The following SLC6A17 variants were observed in gnomAD, a reference collection of about 807,000 sequenced individuals.
SLC6A17 encodes sodium-dependent neutral amino acid transporter SLC6A17.
Under a neutral mutation model 64.5 loss-of-function variants are expected in SLC6A17, and 21 were observed. The ratio of observed to expected loss-of-function variants is 0.33; its 90% CI spans 0.23 to 0.47. SLC6A17 has a LOEUF of 0.47. Ranked by LOEUF, SLC6A17 falls within the 20% of genes least tolerant of loss-of-function variation. The pLI is 1.00. For missense variants in SLC6A17, 682 were observed against 963.2 expected, an observed-to-expected ratio of 0.71 and a Z score of 3.86; for synonymous variants, 372 against 399.5, an observed-to-expected ratio of 0.93 and a Z score of 0.82.
intron 1 of SLC6A17, among the ~76,000 whole-genome samples, chr1:110,155,094 C>T (rs564951687): frequency 4.6e-5 from 7 of 152,276 alleles, no homozygotes; most frequent in Admixed American, 4.6e-4. Context: ...CCTAGCCTGC[C>T]CATCATCTCC....
In SLC6A17 at chr1:110,200,347, T is replaced by TG. The variant is rs1657091787; in HGVS notation, c.*1907dup. On this transcript the variant is annotated 3_prime_UTR_variant, in exon 12 of 12. Transcript: ENST00000331565. ...ACATCTCCCCAAAGAGATGAGCTTT[T>TG]GGGGCACAACATCCCACCGCAGTCC... is the stretch of plus-strand genomic sequence containing the variant. The TG allele has an allele frequency of 2.7e-6, 1 of 365,786 alleles. No homozygotes were observed. Among genetic ancestry groups the TG allele is most frequent in the East Asian group, 4.0e-5 (1 of 25,206 alleles). 22.7% of individuals were successfully genotyped at this position (365,786 alleles called of 1,614,324 possible).
chr1:110,166,699 T>TG lies in SLC6A17; in HGVS notation c.-87-140dup, dbSNP rs1656067873. The TG allele has an allele frequency of 1.4e-5, 6 of 435,064 alleles. No individual in the cohort carries two copies. In the East Asian group the frequency reaches 2.2e-4, roughly 16 times the overall value. The allele number at this position is 435,064 out of a possible 1,614,324, so 27.0% of individuals were successfully genotyped here. On this transcript the variant is annotated intron_variant, in intron 1 of 11. Coordinates refer to ENST00000331565, the MANE Select transcript of SLC6A17 (RefSeq NM_001010898.4). ...GAGCTCCTCACCGGGCAGCCCCTGA[T>TG]GGGGAGCTAGGGCAAGCTGCATATA...
intron 1 of SLC6A17, among the ~76,000 whole-genome samples, chr1:110,159,367 A>T (rs898155410): frequency 1.3e-5 from 2 of 152,182 alleles, no homozygotes; most frequent in Admixed American, 1.3e-4. Context: ...ATCTGTTTGC[A>T]CTGGCCACAC....
At chr1:110,152,889 C>T (rs886990861) in intron 1 of SLC6A17, among the ~76,000 whole-genome samples, 2 of 152,208 alleles carry the variant, frequency 1.3e-5, no homozygotes, top group Non-Finnish European at 2.9e-5. Context: ...TCTCTCATTG[C>T]TTCTGCTCCA....
intron 6 of SLC6A17, among the ~76,000 whole-genome samples, chr1:110,181,686 G>A (rs371008706): frequency 6.6e-6 from 1 of 152,254 alleles, no homozygotes; most frequent in Admixed American, 6.5e-5. Context: ...GTCAAGGAAC[G>A]CCTTGCTGAG....
chr1:110,155,683 A>C (rs1223476809), intron 1 of SLC6A17, among the ~76,000 whole-genome samples: 1 of 152,206 alleles, frequency 6.6e-6, no homozygotes, highest in Non-Finnish European at 1.5e-5. Context: ...GTTTATTTGA[A>C]GATAACAAGT....
At chr1:110,179,649 G>C (rs941223547) in intron 6 of SLC6A17, among the ~76,000 whole-genome samples, 1 of 150,902 alleles carries the variant, frequency 6.6e-6, no homozygotes, top group Non-Finnish European at 1.5e-5. Context: ...CACCTCCCGG[G>C]TTCAAGCTAT....
intron 6 of SLC6A17, among the ~76,000 whole-genome samples, chr1:110,179,593 GC>G (rs1233140540): frequency 8.3e-6 from 1 of 119,980 alleles, no homozygotes; most frequent in Admixed American, 1.2e-4. Flanking sequence ...CACTCTTGTT[GC>G]CCAGTCTGAA....
At chr1:110,185,231 G>T (rs1237123983) in intron 6 of SLC6A17, among the ~76,000 whole-genome samples, 1 of 152,252 alleles carries the variant, frequency 6.6e-6, no homozygotes, top group Non-Finnish European at 1.5e-5. Flanking sequence ...TCCCCAATGG[G>T]GTTGTCGGGA....
At chr1:110,173,892 CGTGCTG>C in intron 3 of SLC6A17, 75 bp from the exon 4 acceptor site, 4 of 1,552,142 alleles carry the variant, frequency 2.6e-6, no homozygotes, top group South Asian at 1.2e-5. Context: ...GCGCTGCCGA[CGTGCTG>C]GGCCTCGGGT....
chr1:110,163,965 G>A (rs1655984074), intron 1 of SLC6A17, among the ~76,000 whole-genome samples: 1 of 151,984 alleles, frequency 6.6e-6, no homozygotes, highest in Middle Eastern at 3.4e-3. Context: ...CCACCCCTCC[G>A]GTGTGACTCC....
chr1:110,177,022 C>T (rs1467736017), intron 6 of SLC6A17, among the ~76,000 whole-genome samples: 1 of 152,126 alleles, frequency 6.6e-6, no homozygotes, highest in East Asian at 1.9e-4. Flanking sequence ...AGTGAGCTGC[C>T]ATAGGACATT....
intron 6 of SLC6A17, 142 bp downstream of exon 6, chr1:110,176,881 C>T: frequency 1.4e-6 from 1 of 729,820 alleles, no homozygotes. Flanking sequence ...GAGAGATGCA[C>T]AGGGAAGGGG....
intron 6 of SLC6A17, among the ~76,000 whole-genome samples, chr1:110,182,382 G>C (rs1656552714): frequency 6.6e-6 from 1 of 152,146 alleles, no homozygotes; most frequent in South Asian, 2.1e-4. Context: ...ATATCTAATA[G>C]ATCTCCACAT....
intron 6 of SLC6A17, among the ~76,000 whole-genome samples, chr1:110,191,199 G>A (rs1446939485): frequency 6.6e-6 from 1 of 152,218 alleles, no homozygotes; most frequent in Non-Finnish European, 1.5e-5. Context: ...TTAAAGATGG[G>A]AGTCAGGATT....
At chr1:110,185,675 C>T (rs1336658712) in intron 6 of SLC6A17, among the ~76,000 whole-genome samples, 1 of 152,242 alleles carries the variant, frequency 6.6e-6, no homozygotes, top group Non-Finnish European at 1.5e-5. Context: ...CTTGCAGTCA[C>T]ATCCTGATGC....
chr1:110,158,627 G>C (rs1166071178), intron 1 of SLC6A17, among the ~76,000 whole-genome samples: 3 of 152,176 alleles, frequency 2.0e-5, no homozygotes, highest in Non-Finnish European at 4.4e-5. Context: ...TATCTTTTCA[G>C]GTCTAGAAGG....
intron 1 of SLC6A17, among the ~76,000 whole-genome samples, chr1:110,156,823 C>G (rs1483257361): frequency 6.6e-6 from 1 of 152,184 alleles, no homozygotes; most frequent in Non-Finnish European, 1.5e-5. Context: ...TTAAGGGTTT[C>G]TGATCACTAT....
chr1:110,194,776 C>T lies in SLC6A17; in HGVS notation c.1492+5C>T. The T allele has an allele frequency of 6.2e-7, 1 of 1,611,800 alleles. No individual in the cohort carries two copies. Among genetic ancestry groups the T allele is most frequent in the South Asian group, 1.1e-5 (1 of 91,086 alleles). ...TGCCCAAGGAGATGTTCACAGGTAACTCCTCCCTGCCCCCATGCCCAGGCT... is the reference window on the plus strand; with the variant it reads ...TGCCCAAGGAGATGTTCACAGGTAATTCCTCCCTGCCCCCATGCCCAGGCT... On this transcript the variant is annotated splice_donor_5th_base_variant and intron_variant, in intron 9 of 11. Transcript: ENST00000331565.
Sources: allele counts gnomAD v4.1 joint callset (sites outside exome capture counted in the v4.1 genomes callset), GRCh38; gene constraint gnomAD v4.1.1; transcripts MANE v1.5; gene names NCBI Gene and HGNC (gene_info 2026-07-23, HGNC 2026-07-21).